PDE1C: variants seen among roughly 807,000 people sequenced by gnomAD.
The protein encoded by PDE1C is phosphodiesterase 1C, also known as dual specificity calcium/calmodulin-dependent 3',5'-cyclic nucleotide phosphodiesterase 1C.
PDE1C carries 62 observed loss-of-function variants against 93.1 expected under a neutral mutation model. The ratio of observed to expected loss-of-function variants is 0.67; its 90% CI spans 0.54 to 0.82. The LOEUF is 0.82. PDE1C is among the 40% of genes least tolerant of loss of function. The probability of loss-of-function intolerance (pLI) is 0.00; values close to 1 mark genes in which losing one functional copy is unlikely to be tolerated. For synonymous variants in PDE1C, 325 were observed against 310.1 expected, an observed-to-expected ratio of 1.05 and a Z score of -0.50; for missense variants, 742 against 884.6, an observed-to-expected ratio of 0.84 and a Z score of 2.04.
At chr7:31,765,662 A>G (rs1401134894) in intron 17 of PDE1C, among the ~76,000 whole-genome samples, 1 of 152,228 alleles carries the variant, frequency 6.6e-6, no homozygotes, top group Non-Finnish European at 1.5e-5. Context: ...TCCAGTCCAC[A>G]GTAAGTGACA....
intron 1 of PDE1C, among the ~76,000 whole-genome samples, chr7:32,210,293 A>G (rs1805903614): frequency 6.6e-6 from 1 of 152,236 alleles, no homozygotes; most frequent in South Asian, 2.1e-4. Flanking sequence ...CATAAACATT[A>G]TACCTTGGTT....
intron 1 of PDE1C, among the ~76,000 whole-genome samples, chr7:32,317,953 T>C (rs907443013): frequency 6.6e-6 from 1 of 152,154 alleles, no homozygotes; most frequent in Non-Finnish European, 1.5e-5. Flanking sequence ...TTTGACATAG[T>C]CCGTGGAGGG....
chr7:31,986,860 T>A (rs915389613), intron 2 of PDE1C, among the ~76,000 whole-genome samples: 1 of 152,088 alleles, frequency 6.6e-6, no homozygotes, highest in African/African-American at 2.4e-5. Context: ...ATTAGGAAAC[T>A]AACCAGGAGA....
At chr7:32,314,036 A>G (rs1783114048) in intron 1 of PDE1C, among the ~76,000 whole-genome samples, 1 of 152,060 alleles carries the variant, frequency 6.6e-6, no homozygotes, top group South Asian at 2.1e-4. Flanking sequence ...CTAAGCCAAT[A>G]AAAGTAAATG....
At chr7:31,707,239 A>G in the PDE1C span, 7 of 1,614,094 alleles carry the variant, frequency 4.3e-6, no homozygotes, top group South Asian at 1.1e-5. Context: ...ACCCAAAGCA[A>G]TCGTGGAAGA....
At chr7:31,908,064 T>C (rs919262734) in intron 2 of PDE1C, among the ~76,000 whole-genome samples, 1 of 152,208 alleles carries the variant, frequency 6.6e-6, no homozygotes, top group Non-Finnish European at 1.5e-5. Flanking sequence ...AACTTTTATC[T>C]TGACTTCATT....
chr7:31,815,875 T>G (rs758494313), intron 15 of PDE1C, 49 bp downstream of exon 15: 100 of 1,350,452 alleles, frequency 7.4e-5, no homozygotes, highest in Middle Eastern at 1.8e-4. Context: ...CCATTCATTA[T>G]GTCATTAATG....
At position 32,295,094 on chromosome 7, in the gene PDE1C, G is replaced by A. The variant is rs529550303; in HGVS notation, c.85+3557C>T. ...CATGGGACTGAGGGAGCCCAGTGAG[G>A]CAGATTAACTAACCTTGTTTCTTCT... On this transcript the variant is annotated intron_variant, in intron 1 of 18. Transcript: ENST00000396193. Among the ~76,000 whole-genome samples the A allele has an allele frequency of 2.0e-5, 3 of 152,334 alleles. No homozygotes were observed. In the South Asian group the frequency reaches 6.2e-4, roughly 32 times the overall value.
At chr7:31,770,742 T>C (rs1316845142) in intron 17 of PDE1C, among the ~76,000 whole-genome samples, 7 of 152,162 alleles carry the variant, frequency 4.6e-5, no homozygotes, top group Admixed American at 4.6e-4. Flanking sequence ...ACTCCTGACC[T>C]CAAATGATCC....
intron 1 of PDE1C, among the ~76,000 whole-genome samples, chr7:32,369,879 G>T (rs112143264): frequency 0.029 from 4,395 of 152,246 alleles, 217 homozygotes; most frequent in African/African-American, 0.1. Flanking sequence ...TTACACTGTT[G>T]GTAGGAGTGT....
At chr7:32,109,352 G>A (rs1399749388) in intron 3 of PDE1C, among the ~76,000 whole-genome samples, 2 of 152,168 alleles carry the variant, frequency 1.3e-5, no homozygotes, top group Non-Finnish European at 2.9e-5. Flanking sequence ...CACTGAGCAA[G>A]GGAAGAGATG....
chr7:31,999,499 A>G (rs1785178520), intron 2 of PDE1C, among the ~76,000 whole-genome samples: 1 of 152,242 alleles, frequency 6.6e-6, no homozygotes, highest in Non-Finnish European at 1.5e-5. Flanking sequence ...TGGAAAAAGC[A>G]CCAGGAATCT....
chr7:32,363,729 G>GT (rs147938821), intron 1 of PDE1C, among the ~76,000 whole-genome samples: 1 of 152,160 alleles, frequency 6.6e-6, no homozygotes, highest in African/African-American at 2.4e-5. Flanking sequence ...ACACACATTT[G>GT]TTTTTTCACT....
intron 1 of PDE1C, among the ~76,000 whole-genome samples, chr7:32,411,506 A>T (rs1785167989): frequency 1.3e-5 from 2 of 152,220 alleles, no homozygotes; most frequent in Non-Finnish European, 2.9e-5. Context: ...ATGTGGTATA[A>T]AAGATTTTAA....
chr7:31,870,944 A>G lies in PDE1C; in HGVS notation c.609+2348T>C, dbSNP rs191902801. Among the ~76,000 whole-genome samples, 540 of 151,630 alleles carry G rather than the reference A, an allele frequency of 3.6e-3. 4 individuals carry two copies. Among genetic ancestry groups the G allele is most frequent in the African/African-American group, 0.013 (519 of 41,488 alleles). On this transcript the variant is annotated intron_variant, in intron 6 of 17. Coordinates refer to ENST00000396191, the MANE Select transcript of PDE1C (RefSeq NM_001191057.4). ...GTATTTTATGGTATTAGTATAAAAT[A>G]GTATTTTTAGTATACTTTTATGCTA...
chr7:31,817,404 G>C lies in PDE1C; in HGVS notation c.1583-1250C>G, dbSNP rs372154512. ...TAAATTTGACAAGGGCTTAGTGATAGATGACGTGGTCAAATGACCAAGGAC... is the reference window on the plus strand; with the variant it reads ...TAAATTTGACAAGGGCTTAGTGATACATGACGTGGTCAAATGACCAAGGAC... On this transcript the variant is annotated intron_variant, in intron 14 of 17. Transcript: ENST00000396191. Among the ~76,000 whole-genome samples, 8 of 152,280 alleles carry C rather than the reference G, an allele frequency of 5.3e-5. No individual in the cohort carries two copies. The South Asian group carries it at 1.5e-3, about 28-fold the overall frequency.
chr7:31,917,265 AT>A (rs776654848), intron 2 of PDE1C, among the ~76,000 whole-genome samples: 1 of 152,190 alleles, frequency 6.6e-6, no homozygotes, highest in Non-Finnish European at 1.5e-5. Flanking sequence ...TGTGCTCTAA[AT>A]TCCCAGAGAT....
chr7:31,963,316 TG>T (rs1307835073), intron 2 of PDE1C, among the ~76,000 whole-genome samples: 1 of 152,238 alleles, frequency 6.6e-6, no homozygotes, highest in African/African-American at 2.4e-5. Context: ...TAGATTATTT[TG>T]CTCAGCAAAT....
chr7:31,708,989 A>G, the PDE1C span, among the ~76,000 whole-genome samples: 1 of 152,238 alleles, frequency 6.6e-6, no homozygotes, highest in Non-Finnish European at 1.5e-5. Flanking sequence ...GGAGGGCACC[A>G]TAAAGTCTTT....
Sources: allele counts gnomAD v4.1 joint callset (sites outside exome capture counted in the v4.1 genomes callset), GRCh38; gene constraint gnomAD v4.1.1; transcripts MANE v1.5; gene names NCBI Gene and HGNC (gene_info 2026-07-23, HGNC 2026-07-21).